Variants in INO80 observed in about 807,000 individuals in gnomAD.
The protein encoded by INO80 is chromatin-remodeling ATPase INO80.
In INO80, 20 loss-of-function variants were observed where a neutral mutation model predicts 203.4. That is an observed-to-expected ratio of 0.10 (90% confidence interval 0.07 to 0.14). INO80 has a LOEUF of 0.14. Among genes scored for constraint, INO80 ranks in the 10% least tolerant of loss-of-function variants. INO80 has a pLI of 1.00. For synonymous variants in INO80, 726 were observed against 685.2 expected (o/e 1.06, Z -0.93); for missense variants, 1,419 against 1,914.4 (o/e 0.74, Z 4.83).
intron 1 of INO80, among the ~76,000 whole-genome samples, chr15:41,103,580 G>C (rs1234139901): frequency 6.6e-6 from 1 of 152,110 alleles, no homozygotes; most frequent in South Asian, 2.1e-4. Flanking sequence ...CAGTAGAGAC[G>C]GGATTTTATC....
intron 23 of INO80, among the ~76,000 whole-genome samples, 160 bp from the exon 24 acceptor site, chr15:41,045,235 T>C (rs1490827294): frequency 1.3e-5 from 2 of 152,172 alleles, no homozygotes; most frequent in African/African-American, 4.8e-5. Flanking sequence ...GATACATTAT[T>C]TCGCATTACA....
At chr15:41,062,793 G>A (rs1413203297) in intron 14 of INO80, among the ~76,000 whole-genome samples, 7 of 152,160 alleles carry the variant, frequency 4.6e-5, no homozygotes, top group Non-Finnish European at 8.8e-5. Flanking sequence ...CTTGTGAGAT[G>A]AGGACGCCTC....
chr15:41,084,402 T>C (rs955327892), intron 7 of INO80, among the ~76,000 whole-genome samples: 3 of 151,668 alleles, frequency 2.0e-5, no homozygotes, highest in Non-Finnish European at 4.4e-5. Context: ...TCTACCAAAA[T>C]ACAAAAATTA....
intron 34 of INO80, 128 bp from the exon 35 acceptor site, chr15:40,983,205 T>C (rs2140406864): frequency 6.1e-6 from 4 of 660,422 alleles, no homozygotes; most frequent in East Asian, 2.7e-5. Flanking sequence ...CATGAGGAGG[T>C]CTATGTCTCC....
intron 34 of INO80, chr15:40,983,321 T>C: frequency 2.0e-6 from 1 of 510,924 alleles, no homozygotes; most frequent in Non-Finnish European, 3.5e-6. Flanking sequence ...AGCAGTTACA[T>C]TACTCCTGAG....
intron 5 of INO80, among the ~76,000 whole-genome samples, chr15:41,090,362 G>A (rs986218368): frequency 6.6e-6 from 1 of 152,088 alleles, no homozygotes; most frequent in Non-Finnish European, 1.5e-5. Context: ...GATCACCTGA[G>A]GTCAGGAGTT....
chr15:41,044,039 C>T (rs2044712260), intron 24 of INO80, among the ~76,000 whole-genome samples: 1 of 152,194 alleles, frequency 6.6e-6, no homozygotes, highest in African/African-American at 2.4e-5. Flanking sequence ...ACAAAACAGA[C>T]TGCCATTCCC....
intron 28 of INO80, among the ~76,000 whole-genome samples, chr15:40,997,882 A>G (rs1371376365): frequency 6.6e-6 from 1 of 152,232 alleles, no homozygotes; most frequent in Non-Finnish European, 1.5e-5. Flanking sequence ...AATATAACAG[A>G]AAAATGTTAC....
At position 41,032,027 on chromosome 15, in the gene INO80, GCACA is replaced by G. The variant is rs2044490378; in HGVS notation, c.2908-4295_2908-4292del. On this transcript the variant is annotated intron_variant, in intron 24 of 35. Transcript: ENST00000648947. ...GCACAGCACAGCACAGCACAGCACAGCACAGCACAGCACAGCACAGCACAGCACA... is the reference window on the plus strand; with the variant it reads ...GCACAGCACAGCACAGCACAGCACAGGCACAGCACAGCACAGCACAGCACA... Among the ~76,000 whole-genome samples, 68 of 80,842 alleles carry G rather than the reference GCACA, an allele frequency of 8.4e-4. 2 individuals carry two copies. The highest frequency in any genetic ancestry group is 1.0e-3 in the Admixed American group (8 of 7,714). 53.0% of individuals were successfully genotyped at this position (80,842 alleles called of 152,430 possible).
intron 18 of INO80, 74 bp from the exon 19 acceptor site, chr15:41,054,088 C>T (rs2044939483): frequency 1.3e-5 from 15 of 1,149,572 alleles, no homozygotes; most frequent in Non-Finnish European, 1.8e-5. Context: ...ATACCACATT[C>T]ACCTCTCACC....
At chr15:41,026,566 A>C (rs1444183212) in intron 25 of INO80, among the ~76,000 whole-genome samples, 1 of 152,082 alleles carries the variant, frequency 6.6e-6, no homozygotes, top group East Asian at 1.9e-4. Flanking sequence ...AGCATTAAAA[A>C]AAACAAAAAC....
At chr15:41,070,647 G>C in intron 12 of INO80, 100 bp from the exon 13 acceptor site, 1 of 963,908 alleles carries the variant, frequency 1.0e-6, no homozygotes, top group Non-Finnish European at 1.7e-6. Flanking sequence ...CTTGTTTAAA[G>C]AGAAGTGACC....
intron 24 of INO80, among the ~76,000 whole-genome samples, chr15:41,031,321 C>A (rs1002134485): frequency 3.3e-5 from 5 of 150,714 alleles, no homozygotes; most frequent in Admixed American, 1.3e-4. Context: ...ACAAAGAATA[C>A]CTTAAGCAAT....
chr15:41,091,833 T>G (rs1272752885), intron 5 of INO80, among the ~76,000 whole-genome samples, 194 bp downstream of exon 5: 2 of 151,926 alleles, frequency 1.3e-5, no homozygotes, highest in Non-Finnish European at 2.9e-5. Context: ...TTTGTATTTT[T>G]AGTAGACAGG....
chr15:40,985,781 C>T (rs78037290), intron 31 of INO80, among the ~76,000 whole-genome samples: 4,131 of 152,022 alleles, frequency 0.027, 177 homozygotes, highest in African/African-American at 0.094. Context: ...CAGTGGTACG[C>T]GCCTGGGTCC....
rs367792496 is a variant in INO80 at position 41,101,974 on chromosome 15, A to G, written c.-43-5621T>C. Among the ~76,000 whole-genome samples, 145 of 151,410 alleles carry G rather than the reference A, an allele frequency of 9.6e-4. 2 individuals carry two copies. The South Asian group carries it at 0.03, about 31-fold the overall frequency. On this transcript the variant is annotated intron_variant, in intron 1 of 35. Coordinates refer to ENST00000648947, the MANE Select transcript of INO80 (RefSeq NM_017553.3). ...TGGGAGGCTGAGACGAGCAGATTAC[A>G]AGGTCAGGAATTCGAGACCAACCTG... is the stretch of plus-strand genomic sequence containing the variant.
intron 15 of INO80, 128 bp from the exon 16 acceptor site, chr15:41,058,909 G>T: frequency 2.5e-6 from 2 of 805,360 alleles, no homozygotes; most frequent in Non-Finnish European, 3.9e-6. Flanking sequence ...CTCCCATATG[G>T]TAGGGAGATG....
In INO80 at chr15:40,979,078, AATG is replaced by A. The variant is rs1421318570; in HGVS notation, c.*1142_*1144del. 6.6e-6 allele frequency: 1 copy of A among 152,604 alleles called. No homozygotes were observed. The highest frequency in any genetic ancestry group is 1.5e-5 in the Non-Finnish European group (1 of 68,022). The allele number at this position is 152,604 out of a possible 1,614,324, so 9.5% of individuals were successfully genotyped here. A position where few individuals can be genotyped will look rare whatever the true frequency, so the allele number is the denominator to read the frequency against. ...ATCTGGGTTTGAGCAGGGGAATCTT[AATG>A]ATTTAAATTAAATGATTCCCCTATA... On this transcript the variant is annotated 3_prime_UTR_variant, in exon 36 of 36. Coordinates refer to ENST00000648947, the MANE Select transcript of INO80 (RefSeq NM_017553.3).
At chr15:41,109,005 CT>C in intron 1 of INO80, 1 of 163,110 alleles carries the variant, frequency 6.1e-6, no homozygotes, top group Admixed American at 6.1e-5. Flanking sequence ...GTTGGATTCA[CT>C]TACACAGACG....
Sources: allele counts gnomAD v4.1 joint callset (sites outside exome capture counted in the v4.1 genomes callset), GRCh38; gene constraint gnomAD v4.1.1; transcripts MANE v1.5; gene names NCBI Gene and HGNC (gene_info 2026-07-23, HGNC 2026-07-21).